The following CDON variants were observed in gnomAD, a reference collection of about 807,000 sequenced individuals.
CDON encodes cell adhesion molecule-related/down-regulated by oncogenes.
CDON carries 73 observed loss-of-function variants against 120.9 expected under a neutral mutation model. The ratio of observed to expected loss-of-function variants is 0.60; its 90% confidence interval spans 0.50 to 0.73. CDON has a LOEUF of 0.73. Among genes scored for constraint, CDON ranks in the 30% least tolerant of loss-of-function variants. The pLI, the probability that CDON is intolerant of heterozygous loss-of-function variation, is 0.00. For missense variants in CDON, 1,470 were observed against 1,587.3 expected, an observed-to-expected ratio of 0.93 and a Z score of 1.26; for synonymous variants, 566 against 573.5, an observed-to-expected ratio of 0.99 and a Z score of 0.19.
intron 1 of CDON, among the ~76,000 whole-genome samples, chr11:126,058,271 A>G (rs1424700440): frequency 6.6e-6 from 1 of 152,182 alleles, no homozygotes; most frequent in Admixed American, 6.5e-5. Flanking sequence ...ATTCCAACAG[A>G]TATACAGCAG....
intron 14 of CDON, among the ~76,000 whole-genome samples, chr11:125,993,382 T>TGCGC (rs1946684329): frequency 1.2e-5 from 1 of 81,822 alleles, no homozygotes; most frequent in African/African-American, 5.4e-5. Context: ...CACACACACA[T>TGCGC]GCGCGCGTGC....
At chr11:126,045,699 A>G (rs1283921627) in intron 1 of CDON, among the ~76,000 whole-genome samples, 1 of 152,138 alleles carries the variant, frequency 6.6e-6, no homozygotes, top group Non-Finnish European at 1.5e-5. Context: ...GGCTGGGCAC[A>G]GTGGCTCACC....
At position 126,019,737 on chromosome 11, in the gene CDON, C is replaced by T; in HGVS notation, c.378G>A (p.Lys126=). ...TTTTTTCTTCTGCTGTAATAACATGCTTTGTGGATGAACCAAAATCACCAA... is the reference window on the plus strand; with the variant it reads ...TTTTTTCTTCTGCTGTAATAACATGTTTTGTGGATGAACCAAAATCACCAA... ...AVLGDFGSST[K]HVITAEEKSA... Residue 126 remains lysine, a synonymous_variant, in exon 4 of 20, where the codon AAG becomes AAA. Coordinates refer to ENST00000531738, the MANE Select transcript of CDON (RefSeq NM_001378964.1). 6.2e-7 allele frequency: 1 copy of T among 1,613,834 alleles called. No homozygotes were observed. The highest frequency in any genetic ancestry group is 8.5e-7 in the Non-Finnish European group (1 of 1,179,830).
chr11:125,981,394 GCACA>G, intron 16 of CDON, 65 bp from the exon 17 acceptor site: 1 of 1,501,950 alleles, frequency 6.7e-7, no homozygotes, highest in Non-Finnish European at 9.1e-7. Context: ...ATGCACATAC[GCACA>G]CACGCATGCA....
chr11:126,036,548 C>T (rs959831417), intron 1 of CDON, among the ~76,000 whole-genome samples: 1 of 152,074 alleles, frequency 6.6e-6, no homozygotes, highest in Non-Finnish European at 1.5e-5. Context: ...AATAACAGAC[C>T]CTATGTTTAT....
At chr11:126,055,780 A>G (rs1372939258) in intron 1 of CDON, among the ~76,000 whole-genome samples, 1 of 152,212 alleles carries the variant, frequency 6.6e-6, no homozygotes, top group African/African-American at 2.4e-5. Context: ...ACTTTTAAGT[A>G]TTATCATTTC....
chr11:125,987,450 T>C (rs1163722963), intron 15 of CDON, among the ~76,000 whole-genome samples: 4 of 152,174 alleles, frequency 2.6e-5, no homozygotes, highest in Non-Finnish European at 4.4e-5. Context: ...TTTTTAAAGG[T>C]TGAAGTACAC....
At chr11:125,994,488 C>A (rs1037310404) in intron 13 of CDON, 99 bp from the exon 14 acceptor site, 6 of 749,686 alleles carry the variant, frequency 8.0e-6, no homozygotes, top group Admixed American at 2.1e-5. Flanking sequence ...TTTCTAGGTT[C>A]ATTTTGCAAA....
chr11:125,963,980 T>C (rs1166674263), intron 18 of CDON, among the ~76,000 whole-genome samples: 1 of 152,190 alleles, frequency 6.6e-6, no homozygotes, highest in Non-Finnish European at 1.5e-5. Context: ...TACTCTCTTG[T>C]CTATTTTATT....
Position 126,010,391 on chromosome 11 carries a change from T to C in CDON, c.1502A>G (p.Glu501Gly). ...TGTGGTACCATGTTCATTTGCAGCT[T>C]CGCAGATGTATTTCCCCGCATGTTC... is the stretch of plus-strand genomic sequence containing the variant. ...TQEHAGKYIC[E>G]AANEHGTTQA... The change falls in exon 8 of 20, where the codon GAA (glutamate) becomes GGA (glycine). Residue 501 changes from glutamate to glycine, a missense_variant. By Grantham distance (98) the Glu-to-Gly change is moderately conservative. Transcript: ENST00000531738. 6.2e-7 allele frequency: 1 copy of C among 1,614,016 alleles called. No individual in the cohort carries two copies. Among genetic ancestry groups the C allele is most frequent in the Non-Finnish European group, 8.5e-7 (1 of 1,179,972 alleles).
rs755134644 is a variant in CDON, at chr11:126,012,565, C to CTT, written c.1199-1873_1199-1872dup. 1.5e-4 allele frequency among the ~76,000 whole-genome samples: 20 copies of CTT among 135,142 alleles called. 1 individual carries two copies. Among genetic ancestry groups the CTT allele is most frequent in the African/African-American group, 3.0e-4 (11 of 37,052 alleles). The allele number at this position is 135,142 out of a possible 152,430, so 88.7% of individuals were successfully genotyped here. A position where few individuals can be genotyped will look rare whatever the true frequency, so the allele number is the denominator to read the frequency against. ...TACAGGTTCACGCTGCCATGCCTGG[C>CTT]TTTTTTTTTTTTTTTTGTATTTTAG... On this transcript the variant is annotated intron_variant, in intron 7 of 19. Coordinates refer to ENST00000531738, the MANE Select transcript of CDON (RefSeq NM_001378964.1).
At chr11:126,006,461 A>G (rs937421375) in intron 8 of CDON, among the ~76,000 whole-genome samples, 1 of 152,176 alleles carries the variant, frequency 6.6e-6, no homozygotes, top group Admixed American at 6.5e-5. Context: ...TGAGCCCAGC[A>G]GTTCAAGACC....
chr11:126,019,766 C>T lies in CDON; in HGVS notation c.350-1G>A, dbSNP rs2134685214. The T allele has an allele frequency of 1.2e-6, 2 of 1,609,902 alleles. No individual in the cohort carries two copies. Among genetic ancestry groups the T allele is most frequent in the Non-Finnish European group, 1.7e-6 (2 of 1,176,558 alleles). The stretch of plus-strand genomic sequence containing the variant: ...GTGGATGAACCAAAATCACCAAGAA[C>T]TGAAATATATAAGGAAACAGATAAA... On this transcript the variant is annotated splice_acceptor_variant, in intron 3 of 19. Transcript: ENST00000531738. LOFTEE classifies it high-confidence loss of function.
At chr11:125,963,746 G>A (rs1282941696) in intron 18 of CDON, among the ~76,000 whole-genome samples, 1 of 152,182 alleles carries the variant, frequency 6.6e-6, no homozygotes, top group African/African-American at 2.4e-5. Context: ...ATTCATCTGT[G>A]CAGAATAATT....
chr11:126,043,324 G>T (rs1388939671), intron 1 of CDON, among the ~76,000 whole-genome samples: 2 of 152,108 alleles, frequency 1.3e-5, no homozygotes, highest in African/African-American at 2.4e-5. Flanking sequence ...CTTCTAGGGG[G>T]TATTTGAACC....
intron 1 of CDON, among the ~76,000 whole-genome samples, chr11:126,045,642 A>T (rs185364984): frequency 9.0e-4 from 137 of 152,292 alleles, no homozygotes; most frequent in African/African-American, 3.0e-3. Context: ...TTTAATCAAC[A>T]TTAGGATTTT....
chr11:125,981,072 C>T lies in CDON; in HGVS notation c.3253G>A (p.Glu1085Lys). 3.1e-6 allele frequency: 5 copies of T among 1,614,108 alleles called. No individual in the cohort carries two copies. The African/African-American group carries it at 4.0e-5, about 13-fold the overall frequency. Residue 1085 changes from glutamate (E) to lysine (K), a missense_variant, in exon 17 of 20, where the codon GAA (glutamate) becomes AAA (lysine). Physicochemically the swap from Glu to Lys is moderately conservative, Grantham distance 56. Coordinates refer to ENST00000531738, the MANE Select transcript of CDON (RefSeq NM_001378964.1). ...ACATTCACTAGATGATGAGGATGTT[C>T]AAAATCCACGTGTGTCCTGGTTAGA... ...NSLTRTHVDF[E>K]HPHHLVNGGG...
chr11:125,960,825 AAAAT>A lies in CDON; in HGVS notation c.*113_*116del, dbSNP rs1945621081. On this transcript the variant is annotated 3_prime_UTR_variant, in exon 20 of 20. Coordinates refer to ENST00000531738, the MANE Select transcript of CDON (RefSeq NM_001378964.1). ...ATTCATATGACATTACTACTACAAA[AAAAT>A]AAATAATGATTTTCTCTGATTTGAA... The A allele has an allele frequency of 1.3e-5, 13 of 995,234 alleles. No homozygotes were observed. The highest frequency in any genetic ancestry group is 1.2e-4 in the South Asian group (9 of 75,594). The allele number at this position is 995,234 out of a possible 1,614,324, so 61.7% of individuals were successfully genotyped here.
At chr11:125,988,856 G>C (rs907774012) in intron 15 of CDON, among the ~76,000 whole-genome samples, 15 of 152,116 alleles carry the variant, frequency 9.9e-5, no homozygotes, top group Admixed American at 2.6e-4. Flanking sequence ...TTACATATCT[G>C]TCATTCAAGA....
Sources: gnomAD v4.1 joint callset for allele counts (sites outside exome capture counted in the v4.1 genomes callset) on GRCh38, gnomAD v4.1.1 for gene constraint, MANE v1.5 for transcripts, NCBI Gene and HGNC (gene_info 2026-07-23, HGNC 2026-07-21) for gene names.